Variants in TNS3 observed in about 807,000 individuals in gnomAD.
TNS3 encodes the protein tensin 3.
In TNS3, 45 loss-of-function variants were observed where a neutral mutation model predicts 140.9. That is an observed-to-expected ratio of 0.32 (90% CI 0.25 to 0.41). The LOEUF (loss-of-function observed/expected upper bound fraction) is 0.41, where lower values mean the gene tolerates loss of function less well. Ranked by LOEUF, TNS3 falls within the 10% of genes least tolerant of loss-of-function variation. TNS3 has a pLI of 1.00. For missense variants in TNS3, 1,716 were observed against 1,906.7 expected (o/e 0.90, Z 1.86); for synonymous variants, 815 against 788.4 (o/e 1.03, Z -0.56).
At chr7:47,510,699 C>A (rs1399404192) in intron 2 of TNS3, among the ~76,000 whole-genome samples, 1 of 152,012 alleles carries the variant, frequency 6.6e-6, no homozygotes, top group East Asian at 1.9e-4. Flanking sequence ...CATAGTGAAA[C>A]CCCATCTCTA....
chr7:47,489,818 C>T (rs1406892757), intron 3 of TNS3, among the ~76,000 whole-genome samples: 1 of 152,186 alleles, frequency 6.6e-6, no homozygotes, highest in African/African-American at 2.4e-5. Context: ...AGCACAGGAT[C>T]GCTCGGGGGC....
At chr7:47,557,345 G>A (rs1465409577) in intron 1 of TNS3, among the ~76,000 whole-genome samples, 1 of 152,178 alleles carries the variant, frequency 6.6e-6, no homozygotes, top group Non-Finnish European at 1.5e-5. Context: ...CATCAAACCT[G>A]CCTGCAGCGA....
chr7:47,351,610 C>T (rs1789676922), intron 17 of TNS3, among the ~76,000 whole-genome samples: 2 of 152,154 alleles, frequency 1.3e-5, no homozygotes, highest in African/African-American at 4.8e-5. Context: ...GGCTCCGGTG[C>T]CACATCCAAG....
At chr7:47,343,953 T>TGG (rs985434889) in intron 20 of TNS3, among the ~76,000 whole-genome samples, 1 of 152,094 alleles carries the variant, frequency 6.6e-6, no homozygotes, top group African/African-American at 2.4e-5. Flanking sequence ...ACAACACTCC[T>TGG]GGGTAAGGGG....
chr7:47,458,364 A>C (rs776337677), intron 4 of TNS3, among the ~76,000 whole-genome samples: 24 of 152,328 alleles, frequency 1.6e-4, no homozygotes, highest in Non-Finnish European at 2.9e-4. Context: ...ATGGGGACAG[A>C]TGTGTCCTCT....
rs1320020118 is a variant in TNS3, at chr7:47,525,440, C to G, written c.-153+3596G>C. 2.6e-5 allele frequency among the ~76,000 whole-genome samples: 4 copies of G among 152,238 alleles called. No homozygotes were observed. In the East Asian group the frequency reaches 7.7e-4, roughly 29 times the overall value. The stretch of plus-strand genomic sequence containing the variant: ...TCTTCCTTAACAACCAGGTGACACA[C>G]AGCAAGATAAGCCTGTTGAACATCT... On this transcript the variant is annotated intron_variant, in intron 2 of 30. Coordinates refer to ENST00000311160, the MANE Select transcript of TNS3 (RefSeq NM_022748.12).
At chr7:47,467,879 G>A (rs577706991) in intron 4 of TNS3, among the ~76,000 whole-genome samples, 9 of 152,260 alleles carry the variant, frequency 5.9e-5, no homozygotes, top group African/African-American at 2.2e-4. Context: ...TCCCCCAAGT[G>A]GATGTAGGTT....
At chr7:47,404,127 T>C (rs1584579607) in intron 13 of TNS3, among the ~76,000 whole-genome samples, 1 of 152,182 alleles carries the variant, frequency 6.6e-6, no homozygotes, top group Non-Finnish European at 1.5e-5. Flanking sequence ...CACAATTTTG[T>C]AGCATAGAAA....
Position 47,302,190 on chromosome 7 carries a change from T to C in TNS3, c.3540A>G (p.Glu1180=). 8 of 1,614,080 alleles carry C rather than the reference T, an allele frequency of 5.0e-6. No individual in the cohort carries two copies. Among genetic ancestry groups the C allele is most frequent in the Non-Finnish European group, 5.9e-6 (7 of 1,179,876 alleles). The part of the protein sequence containing the change: ...KFWYKADISR[E]QAIAMLKDKE... ...GCCCTCATCCTCCCCACATACCTTG[T>C]TCTCTTGAAATATCCGCCTTGTACC... The change falls in exon 23 of 31, where the codon GAA becomes GAG. Residue 1180 remains glutamate, a synonymous_variant. Transcript: ENST00000311160.
At chr7:47,313,150 A>T (rs1292249408) in intron 20 of TNS3, among the ~76,000 whole-genome samples, 1 of 152,164 alleles carries the variant, frequency 6.6e-6, no homozygotes, top group African/African-American at 2.4e-5. Context: ...GGCTTCCTGG[A>T]GCAAGTGGCA....
intron 28 of TNS3, among the ~76,000 whole-genome samples, chr7:47,281,807 G>A (rs1785158911): frequency 6.6e-6 from 1 of 152,174 alleles, no homozygotes; most frequent in South Asian, 2.1e-4. Context: ...GGGCAGCAGG[G>A]AGGAGGGAAC....
chr7:47,501,867 G>C (rs1798238891), intron 3 of TNS3, among the ~76,000 whole-genome samples: 1 of 152,130 alleles, frequency 6.6e-6, no homozygotes, highest in Non-Finnish European at 1.5e-5. Flanking sequence ...GAATTCTCAG[G>C]CATCATTTCA....
At chr7:47,540,621 G>T (rs572910515) in intron 1 of TNS3, among the ~76,000 whole-genome samples, 14 of 150,590 alleles carry the variant, frequency 9.3e-5, no homozygotes, top group Admixed American at 2.7e-4. Context: ...CCAGAGGGAC[G>T]ATCTACACGC....
At chr7:47,446,688 C>T (rs1255086692) in intron 4 of TNS3, among the ~76,000 whole-genome samples, 16 of 96,722 alleles carry the variant, frequency 1.7e-4, no homozygotes, top group African/African-American at 6.4e-4. Flanking sequence ...TCCAGGCTGC[C>T]TTTTTTTTTT....
At chr7:47,325,738 C>T (rs1172705759) in intron 20 of TNS3, among the ~76,000 whole-genome samples, 2 of 152,180 alleles carry the variant, frequency 1.3e-5, no homozygotes, top group African/African-American at 2.4e-5. Flanking sequence ...CACAGGACTT[C>T]GAGCCATCCC....
intron 1 of TNS3, among the ~76,000 whole-genome samples, chr7:47,565,895 C>T (rs1329900568): frequency 6.6e-6 from 1 of 152,182 alleles, no homozygotes; most frequent in East Asian, 1.9e-4. Flanking sequence ...TTATTCCTCA[C>T]ACGGGCGCTG....
chr7:47,306,327 A>C (rs1179046148), intron 20 of TNS3, among the ~76,000 whole-genome samples: 1 of 152,196 alleles, frequency 6.6e-6, no homozygotes, highest in African/African-American at 2.4e-5. Flanking sequence ...TACAGGATGT[A>C]ATATCCTGGT....
At chr7:47,321,847 A>G (rs1222608095) in intron 20 of TNS3, among the ~76,000 whole-genome samples, 1 of 152,144 alleles carries the variant, frequency 6.6e-6, no homozygotes, top group Non-Finnish European at 1.5e-5. Context: ...AGAATGCACA[A>G]CACAATATAA....
chr7:47,370,755 TG>T (rs1791020432), intron 16 of TNS3, among the ~76,000 whole-genome samples: 1 of 152,208 alleles, frequency 6.6e-6, no homozygotes, highest in African/African-American at 2.4e-5. Context: ...AGGGAGCTGC[TG>T]GTGGTGGGAA....
Sources: gnomAD v4.1 joint callset for allele counts (sites outside exome capture counted in the v4.1 genomes callset) on GRCh38, gnomAD v4.1.1 for gene constraint, MANE v1.5 for transcripts, NCBI Gene and HGNC (gene_info 2026-07-23, HGNC 2026-07-21) for gene names.